The following LRTM1 variants were observed in gnomAD, a reference collection of about 807,000 sequenced individuals.
LRTM1 encodes leucine-rich repeat and transmembrane domain-containing protein 1.
Under a neutral mutation model 32.4 loss-of-function variants are expected in LRTM1, and 38 were observed. The ratio of observed to expected loss-of-function variants is 1.17; its 90% CI spans 0.91 to 1.54. LRTM1 has a LOEUF of 1.54. Among genes scored for constraint, LRTM1 ranks in the 40% most tolerant of loss-of-function variants. LRTM1 has a pLI of 0.00. For synonymous variants in LRTM1, 186 were observed against 169.9 expected, an observed-to-expected ratio of 1.09 and a Z score of -0.74; for missense variants, 466 against 415.4, an observed-to-expected ratio of 1.12 and a Z score of -1.06.
intron 1 of LRTM1, among the ~76,000 whole-genome samples, chr3:54,960,533 T>G (rs1457530424): frequency 1.3e-5 from 2 of 152,360 alleles, no homozygotes; most frequent in East Asian, 3.9e-4. Context: ...GAGATTAATG[T>G]TCAGGCTTTA....
Position 54,925,174 on chromosome 3 carries a change from C to T in LRTM1, c.49G>A (p.Val17Met), listed in dbSNP as rs377265977. The change falls in exon 2 of 3, where the codon GTG becomes ATG. Residue 17 changes from valine to methionine, a missense_variant. Physicochemically the swap from Val to Met is conservative, Grantham distance 21. Coordinates refer to ENST00000273286, the MANE Select transcript of LRTM1 (RefSeq NM_020678.4). ...LFSSVIVLLQVVCSCPDKCYC... is the reference protein window; with the variant it reads ...LFSSVIVLLQMVCSCPDKCYC... ...CACTTGTCCGGGCAGCTGCATACCA[C>T]CTGGAGCAGGACAATCACACTGGAA... 5 of 1,614,024 alleles carry T rather than the reference C, an allele frequency of 3.1e-6. No homozygotes were observed. The highest frequency in any genetic ancestry group is 3.4e-6 in the Non-Finnish European group (4 of 1,179,982).
chr3:54,964,505 C>A (rs895994063), intron 1 of LRTM1, among the ~76,000 whole-genome samples: 23 of 151,932 alleles, frequency 1.5e-4, no homozygotes, highest in African/African-American at 5.3e-4. Flanking sequence ...TGACTTAAAT[C>A]AATATACTGT....
intron 2 of LRTM1, among the ~76,000 whole-genome samples, chr3:54,919,921 T>C (rs766841662): frequency 2.2e-4 from 33 of 152,098 alleles, no homozygotes; most frequent in Non-Finnish European, 3.7e-4. Flanking sequence ...CCTCGCCACA[T>C]CCTCCTCTCA....
At chr3:54,936,719 CCATCCTTG>C (rs1398328285) in intron 1 of LRTM1, among the ~76,000 whole-genome samples, 1 of 152,174 alleles carries the variant, frequency 6.6e-6, no homozygotes, top group African/African-American at 2.4e-5. Context: ...GCCCTCTTTC[CCATCCTTG>C]CATAATTAGA....
At chr3:54,931,033 T>C (rs1022957248), upstream of LRTM1, among the ~76,000 whole-genome samples, 1 of 151,800 alleles carries the variant, frequency 6.6e-6, no homozygotes, top group African/African-American at 2.4e-5. Flanking sequence ...GAGGCAGAGG[T>C]TGTAGTGAGC....
chr3:54,924,774 A>G lies in LRTM1; in HGVS notation c.449T>C (p.Ile150Thr). 19 of 1,614,090 alleles carry G rather than the reference A, an allele frequency of 1.2e-5. No individual in the cohort carries two copies. Among genetic ancestry groups the G allele is most frequent in the Non-Finnish European group, 1.6e-5 (19 of 1,179,998 alleles). ...AAGCTGGTTTTGTTGAACCGCAAGT[A>G]TAGTTAGGTTCTCCCAAGTCTCTCC... ...SLGETWENLT[I>T]LAVQQNQLQQ... Residue 150 changes from isoleucine (I) to threonine (T), a missense_variant, in exon 2 of 3, where the codon ATA becomes ACA. Coordinates refer to ENST00000273286, the MANE Select transcript of LRTM1 (RefSeq NM_020678.4).
At chr3:54,957,877 T>G (rs111366240) in intron 1 of LRTM1, among the ~76,000 whole-genome samples, 4 of 152,202 alleles carry the variant, frequency 2.6e-5, no homozygotes, top group Non-Finnish European at 5.9e-5. Flanking sequence ...ACAAATCTAT[T>G]TGTGTCTCAC....
At chr3:54,919,544 AG>A (rs1369974356) in intron 2 of LRTM1, among the ~76,000 whole-genome samples, 1 of 152,160 alleles carries the variant, frequency 6.6e-6, no homozygotes, top group East Asian at 1.9e-4. Flanking sequence ...TATTAAACCC[AG>A]TTTCCATTAC....
Position 54,918,777 on chromosome 3 carries a change from C to T in LRTM1, c.720G>A (p.Val240=), listed in dbSNP as rs1559628903. Residue 240 remains valine (V), a synonymous_variant, in exon 3 of 3, where the codon GTG becomes GTA. Transcript: ENST00000273286. ...AGCCGGGCCACTGAGCCTGCGAGGA[C>T]ACTGGATCAGGAGCAGGAAGAGGGC... ...QPCPLPAPDP[V]SSQAQWPGSA... 3 of 1,614,128 alleles carry T rather than the reference C, an allele frequency of 1.9e-6. No individual in the cohort carries two copies. Among genetic ancestry groups the T allele is most frequent in the East Asian group, 2.2e-5 (1 of 44,866 alleles).
intron 2 of LRTM1, among the ~76,000 whole-genome samples, chr3:54,921,218 A>C (rs1178374667): frequency 6.6e-6 from 1 of 151,914 alleles, no homozygotes; most frequent in South Asian, 2.1e-4. Context: ...ACTAGATTCA[A>C]ATCTTGAGTC....
chr3:54,954,318 G>A (rs545059604), intron 1 of LRTM1, among the ~76,000 whole-genome samples: 79 of 152,302 alleles, frequency 5.2e-4, no homozygotes, highest in African/African-American at 1.9e-3. Context: ...CCACTGAGTT[G>A]TCTGTCTGTG....
intron 1 of LRTM1, among the ~76,000 whole-genome samples, chr3:54,946,674 A>G (rs1022081191): frequency 7.9e-5 from 12 of 152,174 alleles, no homozygotes; most frequent in Non-Finnish European, 1.2e-4. Context: ...GGGGGGAGCT[A>G]GCATTTTGGC....
chr3:54,956,896 T>C (rs1359030556), intron 1 of LRTM1, among the ~76,000 whole-genome samples: 1 of 152,014 alleles, frequency 6.6e-6, no homozygotes, highest in East Asian at 1.9e-4. Context: ...TAGGGAAACC[T>C]CTTTGCCTTT....
intron 1 of LRTM1, among the ~76,000 whole-genome samples, chr3:54,960,124 A>G (rs1701996489): frequency 6.6e-6 from 1 of 152,088 alleles, no homozygotes; most frequent in African/African-American, 2.4e-5. Flanking sequence ...TGTGTGGCCA[A>G]ATGGATCAGG....
intron 1 of LRTM1, among the ~76,000 whole-genome samples, chr3:54,934,796 A>G (rs970840392): frequency 1.3e-5 from 2 of 152,154 alleles, no homozygotes; most frequent in African/African-American, 2.4e-5. Flanking sequence ...CAGTGGCGCT[A>G]TCGTAGCTCA....
Position 54,924,990 on chromosome 3 carries a change from G to A in LRTM1, c.233C>T (p.Thr78Ile). Residue 78 changes from threonine (T) to isoleucine (I), a missense_variant, in exon 2 of 3, where the codon ACC becomes ATC. Transcript: ENST00000273286. The stretch of plus-strand genomic sequence containing the variant: ...AAGGGAATTGTTGGACAAGTTTAAG[G>A]TCATGAGCCATGGCACTGACCTAAA... ...FAFRSVPWLMTLNLSNNSLSN... is the reference protein window; with the variant it reads ...FAFRSVPWLMILNLSNNSLSN... The A allele has an allele frequency of 1.2e-6, 2 of 1,613,890 alleles. No homozygotes were observed. The highest frequency in any genetic ancestry group is 1.7e-6 in the Non-Finnish European group (2 of 1,179,784).
chr3:54,966,237 G>C (rs1288546420), intron 1 of LRTM1, among the ~76,000 whole-genome samples: 1 of 152,108 alleles, frequency 6.6e-6, no homozygotes, highest in Non-Finnish European at 1.5e-5. Context: ...ACCATGGAAA[G>C]GCTACCCTGG....
chr3:54,948,170 T>A (rs1249504161), intron 1 of LRTM1, among the ~76,000 whole-genome samples: 3 of 152,146 alleles, frequency 2.0e-5, no homozygotes, highest in Non-Finnish European at 4.4e-5. Flanking sequence ...CACCCCCAGC[T>A]CACTTTCCCC....
upstream of LRTM1, among the ~76,000 whole-genome samples, chr3:54,928,978 C>G (rs777000394): frequency 2.6e-5 from 4 of 152,146 alleles, no homozygotes; most frequent in Non-Finnish European, 5.9e-5. Context: ...GGGGTTTCAA[C>G]CCCTGAAGCT....
Sources: allele counts gnomAD v4.1 joint callset (sites outside exome capture counted in the v4.1 genomes callset), GRCh38; gene constraint gnomAD v4.1.1; transcripts MANE v1.5; gene names NCBI Gene and HGNC (gene_info 2026-07-23, HGNC 2026-07-21).